KIF25: variants seen among roughly 807,000 people sequenced by gnomAD.
KIF25 encodes the protein kinesin-like protein KIF25.
Under a neutral mutation model 32.9 loss-of-function variants are expected in KIF25, and 19 were observed. The observed-to-expected ratio is 0.58, with a 90% CI of 0.40 to 0.85. The LOEUF (loss-of-function observed/expected upper bound fraction) is 0.85. KIF25 is among the 40% of genes least tolerant of loss of function. The pLI is 0.00. For missense variants in KIF25, 485 were observed against 507.0 expected (o/e 0.96, Z 0.42); for synonymous variants, 225 against 213.7 (o/e 1.05, Z -0.46).
At chr6:168,012,055 CTCTT>C (rs1226787651) in intron 4 of KIF25, among the ~76,000 whole-genome samples, 82 of 151,788 alleles carry the variant, frequency 5.4e-4, no homozygotes, top group African/African-American at 1.7e-3. Flanking sequence ...ATAATTCTGT[CTCTT>C]TATTGTATTT....
Position 168,042,237 on chromosome 6 carries a change from G to A in KIF25, c.829+86G>A, listed in dbSNP as rs923604082. Reference sequence around the variant, plus strand: ...AGCTGGATGTGCAACCAGGCAGCCCGGGAAGCTCTGGGCGAGCCAGGCATT... The same window carrying A: ...AGCTGGATGTGCAACCAGGCAGCCCAGGAAGCTCTGGGCGAGCCAGGCATT... On this transcript the variant is annotated intron_variant, in intron 11 of 12. Transcript: ENST00000643607. 4.6e-5 allele frequency: 61 copies of A among 1,335,792 alleles called. No individual in the cohort carries two copies. In the Middle Eastern group the frequency reaches 7.9e-4, roughly 17 times the overall value. The allele number at this position is 1,335,792 out of a possible 1,614,324, so 82.7% of individuals were successfully genotyped here.
intron 5 of KIF25, among the ~76,000 whole-genome samples, chr6:168,018,241 G>A (rs758601269): frequency 1.2e-4 from 19 of 152,070 alleles, no homozygotes; most frequent in Admixed American, 2.0e-4. Flanking sequence ...ACTATGTCTC[G>A]AGTGCCCATT....
chr6:168,018,749 A>G (rs961149538), intron 5 of KIF25, among the ~76,000 whole-genome samples: 1 of 152,154 alleles, frequency 6.6e-6, no homozygotes, highest in Non-Finnish European at 1.5e-5. Context: ...GGGCTGGCTG[A>G]GTGGTCCTGC....
chr6:168,024,509 C>T (rs1305898172), intron 5 of KIF25, among the ~76,000 whole-genome samples: 1 of 139,768 alleles, frequency 7.2e-6, no homozygotes, highest in East Asian at 2.2e-4. Context: ...ATGGGGTTGG[C>T]CTGACTCCTT....
intron 2 of KIF25, 36 bp downstream of exon 2, chr6:167,999,356 T>C (rs1337796051): frequency 6.6e-6 from 1 of 152,284 alleles, no homozygotes; most frequent in African/African-American, 2.4e-5. Flanking sequence ...TATGTCTGTG[T>C]GCTCAGGGAA....
Position 168,034,384 on chromosome 6 carries a change from G to A in KIF25, c.317+353G>A, listed in dbSNP as rs374984042. Among the ~76,000 whole-genome samples, 8 of 152,030 alleles carry A rather than the reference G, an allele frequency of 5.3e-5. No individual in the cohort carries two copies. In the East Asian group the frequency reaches 9.7e-4, roughly 18 times the overall value. Reference sequence around the variant, plus strand: ...AGCGATTCTCCCTCCTCAGCCTCCCGAGTATCTGGTATCACAGGAGTGTGC... The same window carrying A: ...AGCGATTCTCCCTCCTCAGCCTCCCAAGTATCTGGTATCACAGGAGTGTGC... On this transcript the variant is annotated intron_variant, in intron 8 of 12. Coordinates refer to ENST00000643607, the MANE Select transcript of KIF25 (RefSeq NM_030615.4).
chr6:168,028,564 A>C (rs1798896909), intron 5 of KIF25, among the ~76,000 whole-genome samples: 1 of 149,774 alleles, frequency 6.7e-6, no homozygotes, highest in Non-Finnish European at 1.5e-5. Context: ...GCTTCTTTCT[A>C]TTCTCGTTCT....
chr6:168,028,446 T>A (rs1798895141), intron 5 of KIF25, among the ~76,000 whole-genome samples: 1 of 152,190 alleles, frequency 6.6e-6, no homozygotes, highest in Admixed American at 6.5e-5. Flanking sequence ...CTGTCTTCCT[T>A]CGGCCTACTT....
intron 4 of KIF25, among the ~76,000 whole-genome samples, chr6:168,012,540 C>T (rs529564685): frequency 1.1e-4 from 17 of 152,288 alleles, no homozygotes; most frequent in East Asian, 3.9e-4. Flanking sequence ...CACATGCACA[C>T]GGTAGGTCAC....
intron 12 of KIF25, among the ~76,000 whole-genome samples, chr6:168,044,427 T>C (rs9346644): frequency 0.24 from 14,468 of 60,048 alleles, 3,546 homozygotes; most frequent in East Asian, 0.54. Flanking sequence ...GGGTGAGGGG[T>C]GCTAGTGACC....
At position 168,032,957 on chromosome 6, in the gene KIF25, T is replaced by C. The variant is rs185393055; in HGVS notation, c.168-925T>C. ...CTAAGAGGATGATTTTCTATCATACTTATTTTAAATATTCTTCCAAATATT... is the reference window on the plus strand; with the variant it reads ...CTAAGAGGATGATTTTCTATCATACCTATTTTAAATATTCTTCCAAATATT... On this transcript the variant is annotated intron_variant, in intron 7 of 12. Transcript: ENST00000643607. Among the ~76,000 whole-genome samples, 133 of 152,338 alleles carry C rather than the reference T, an allele frequency of 8.7e-4. 2 individuals are homozygous for C. Among genetic ancestry groups the C allele is most frequent in the Non-Finnish European group, 4.9e-4 (33 of 68,030 alleles).
At chr6:168,020,217 G>C (rs1210825272) in intron 5 of KIF25, among the ~76,000 whole-genome samples, 2 of 152,122 alleles carry the variant, frequency 1.3e-5, no homozygotes, top group Non-Finnish European at 2.9e-5. Context: ...CTCAGGGTCA[G>C]ACATGAAAAT....
intron 10 of KIF25, among the ~76,000 whole-genome samples, chr6:168,040,770 A>C (rs954363797): frequency 6.6e-6 from 1 of 152,262 alleles, no homozygotes; most frequent in Non-Finnish European, 1.5e-5. Flanking sequence ...TAATGCAGAA[A>C]GAAAAGCAGG....
intron 9 of KIF25, 110 bp downstream of exon 9, chr6:168,038,839 G>A: frequency 9.1e-7 from 1 of 1,102,474 alleles, no homozygotes; most frequent in Non-Finnish European, 1.3e-6. Context: ...CACGCCCAAG[G>A]ATCCCAAGGA....
intron 6 of KIF25, among the ~76,000 whole-genome samples, chr6:168,030,355 G>A (rs1159591999): frequency 6.6e-6 from 1 of 151,812 alleles, no homozygotes; most frequent in East Asian, 1.9e-4. Flanking sequence ...TGATTATTGG[G>A]CCCTCTAAAG....
rs547283132 is a variant in KIF25, at chr6:168,027,720, G to A, written c.-94-1772G>A. On this transcript the variant is annotated intron_variant, in intron 5 of 12. Coordinates refer to ENST00000643607, the MANE Select transcript of KIF25 (RefSeq NM_030615.4). Reference sequence around the variant, plus strand: ...GGCCGGCTTCCCTCCACATCCCCACGGAGCACGAGGTCAGATGCATGGGTT... The same window carrying A: ...GGCCGGCTTCCCTCCACATCCCCACAGAGCACGAGGTCAGATGCATGGGTT... 1.1e-4 allele frequency among the ~76,000 whole-genome samples: 17 copies of A among 152,232 alleles called. No individual in the cohort carries two copies. The South Asian group carries it at 1.9e-3, about 17-fold the overall frequency.
intron 4 of KIF25, among the ~76,000 whole-genome samples, chr6:168,013,972 G>A (rs896721366): frequency 6.6e-6 from 1 of 151,668 alleles, no homozygotes; most frequent in Non-Finnish European, 1.5e-5. Context: ...TCTCATCAGC[G>A]TCTTGCTGAC....
chr6:168,030,687 C>A, intron 6 of KIF25, 86 bp from the exon 7 acceptor site: 3 of 900,918 alleles, frequency 3.3e-6, no homozygotes, highest in Non-Finnish European at 5.3e-6. Context: ...GTACACGGGG[C>A]GTTGTGTTCC....
At chr6:168,030,914 C>G (rs1798932279) in intron 7 of KIF25, 67 bp downstream of exon 7, 1 of 1,260,944 alleles carries the variant, frequency 7.9e-7, no homozygotes, top group Non-Finnish European at 1.1e-6. Context: ...CTTCACTGTG[C>G]TGTGGAGTGA....
Sources: gnomAD v4.1 joint callset for allele counts (sites outside exome capture counted in the v4.1 genomes callset) on GRCh38, gnomAD v4.1.1 for gene constraint, MANE v1.5 for transcripts, NCBI Gene and HGNC (gene_info 2026-07-23, HGNC 2026-07-21) for gene names.